The following CTNNA1 variants were observed in gnomAD, a reference collection of about 807,000 sequenced individuals.
CTNNA1 encodes the protein catenin alpha-1.
CTNNA1 carries 37 observed loss-of-function variants against 98.4 expected under a neutral mutation model. That is an observed-to-expected ratio of 0.38 (90% confidence interval 0.29 to 0.49). The LOEUF (loss-of-function observed/expected upper bound fraction) is 0.49, where lower values mean the gene tolerates loss of function less well. CTNNA1 is among the 20% of genes least tolerant of loss of function. The pLI, the probability that CTNNA1 is intolerant of heterozygous loss-of-function variation, is 0.95. For missense variants in CTNNA1, 761 were observed against 1,147.2 expected, an observed-to-expected ratio of 0.66 and a Z score of 4.86; for synonymous variants, 404 against 413.2, an observed-to-expected ratio of 0.98 and a Z score of 0.27.
In CTNNA1 at chr5:138,783,082, A is replaced by AT. The variant is rs533887122; in HGVS notation, c.106-89dup. 3.8e-4 allele frequency: 376 copies of AT among 981,282 alleles called. 1 individual carries two copies. The African/African-American group carries it at 5.6e-3, about 15-fold the overall frequency. 60.8% of individuals were successfully genotyped at this position (981,282 alleles called of 1,614,324 possible). A position where few individuals can be genotyped will look rare whatever the true frequency, so the allele number is the denominator to read the frequency against. On this transcript the variant is annotated intron_variant, in intron 2 of 17. Transcript: ENST00000302763. ...TTAATGTTCAGTGGAATCTCATGTG[A>AT]TTTTTTAAAAGAATAACTTAATCTT... is the stretch of plus-strand genomic sequence containing the variant.
intron 11 of CTNNA1, among the ~76,000 whole-genome samples, chr5:138,920,057 A>C (rs1479910003): frequency 1.4e-5 from 2 of 142,326 alleles, no homozygotes; most frequent in African/African-American, 5.3e-5. Context: ...GCTCACTGCA[A>C]CCTCTGCCTC....
chr5:138,786,565 G>C (rs1456261044), intron 3 of CTNNA1, among the ~76,000 whole-genome samples: 1 of 152,120 alleles, frequency 6.6e-6, no homozygotes, highest in Non-Finnish European at 1.5e-5. Context: ...TGGTAGAAGT[G>C]GTGCTATTTA....
At chr5:138,927,435 C>G (rs976848780) in intron 13 of CTNNA1, among the ~76,000 whole-genome samples, 11 of 152,156 alleles carry the variant, frequency 7.2e-5, no homozygotes, top group African/African-American at 2.7e-4. Flanking sequence ...GTTCCCTGGG[C>G]CAATGCCCCT....
intron 9 of CTNNA1, among the ~76,000 whole-genome samples, chr5:138,903,966 T>C (rs1758633187): frequency 6.6e-6 from 1 of 152,204 alleles, no homozygotes; most frequent in Non-Finnish European, 1.5e-5. Flanking sequence ...AAACACATTT[T>C]TGAGGATAAC....
chr5:138,903,140 T>G (rs1222712526), intron 9 of CTNNA1, among the ~76,000 whole-genome samples: 1 of 152,136 alleles, frequency 6.6e-6, no homozygotes, highest in African/African-American at 2.4e-5. Flanking sequence ...TCCTTTACAT[T>G]TTTATGTTTA....
chr5:138,895,545 C>T lies in CTNNA1; in HGVS notation c.1296+7903C>T, dbSNP rs1756594999. 2.6e-5 allele frequency among the ~76,000 whole-genome samples: 4 copies of T among 151,570 alleles called. No homozygotes were observed. The South Asian group carries it at 8.4e-4, about 32-fold the overall frequency. ...GTGGCTAGAATGAAGCTTTCAAAAACCTGTAGCAAACTTCCTGTATTTGAG... is the reference window on the plus strand; with the variant it reads ...GTGGCTAGAATGAAGCTTTCAAAAATCTGTAGCAAACTTCCTGTATTTGAG... On this transcript the variant is annotated intron_variant, in intron 9 of 17. Transcript: ENST00000302763.
chr5:138,809,719 T>TTTTTC (rs1758475403), intron 3 of CTNNA1, among the ~76,000 whole-genome samples: 1 of 152,032 alleles, frequency 6.6e-6, no homozygotes, highest in African/African-American at 2.4e-5. Flanking sequence ...GAATTTTTCT[T>TTTTTC]TTTTTTGGAT....
At chr5:138,838,530 A>AT (rs201833006) in intron 7 of CTNNA1, among the ~76,000 whole-genome samples, 1,773 of 150,964 alleles carry the variant, frequency 0.012, 28 homozygotes, top group African/African-American at 0.041. Flanking sequence ...GGTTTCATTA[A>AT]TTTTTTTTTC....
At chr5:138,880,946 A>AAC (rs1752767129) in intron 7 of CTNNA1, 5 of 428,138 alleles carry the variant, frequency 1.2e-5, no homozygotes, top group African/African-American at 4.1e-5. Flanking sequence ...GAAAAAAAAA[A>AAC]ACACATTGAA....
At chr5:138,904,739 T>C (rs1165133478) in intron 10 of CTNNA1, 3 of 263,638 alleles carry the variant, frequency 1.1e-5, no homozygotes, top group African/African-American at 6.6e-5. Flanking sequence ...GATGGGTCAG[T>C]TGAGCCCAGG....
chr5:138,875,328 A>G, intron 7 of CTNNA1: 1 of 940,136 alleles, frequency 1.1e-6, no homozygotes, highest in African/African-American at 1.8e-5. Flanking sequence ...GAGAAACGGC[A>G]CAAGAATGGA....
At chr5:138,913,573 G>C (rs921815027) in intron 10 of CTNNA1, among the ~76,000 whole-genome samples, 1 of 140,676 alleles carries the variant, frequency 7.1e-6, no homozygotes, top group Non-Finnish European at 1.5e-5. Flanking sequence ...GATAGAGGGA[G>C]ACCCTGTCTC....
chr5:138,776,039 C>CT (rs57467422), intron 1 of CTNNA1, among the ~76,000 whole-genome samples: 46,746 of 83,918 alleles, frequency 0.56, 12,777 homozygotes, highest in East Asian at 0.77. Context: ...GGAAATGTTT[C>CT]TTTTTTTTTT....
At chr5:138,879,518 G>A (rs555923987) in intron 7 of CTNNA1, among the ~76,000 whole-genome samples, 3 of 151,744 alleles carry the variant, frequency 2.0e-5, no homozygotes, top group African/African-American at 7.3e-5. Context: ...ACCCAGGCTG[G>A]AGTGCAGAGG....
At chr5:138,868,742 C>T (rs1765048495) in intron 7 of CTNNA1, among the ~76,000 whole-genome samples, 1 of 152,108 alleles carries the variant, frequency 6.6e-6, no homozygotes, top group Non-Finnish European at 1.5e-5. Flanking sequence ...CTAGTTTTAC[C>T]TCTCTCTGAA....
chr5:138,786,367 T>G (rs923602198), intron 3 of CTNNA1, among the ~76,000 whole-genome samples: 3 of 152,224 alleles, frequency 2.0e-5, no homozygotes, highest in Non-Finnish European at 4.4e-5. Flanking sequence ...TACAAAAATA[T>G]GAAGCACAGA....
intron 7 of CTNNA1, chr5:138,872,793 C>T: frequency 2.3e-6 from 1 of 437,422 alleles, no homozygotes; most frequent in Non-Finnish European, 4.0e-6. Flanking sequence ...GACTTTCCAA[C>T]AGGAGTGCAA....
chr5:138,877,409 C>T (rs1751850452), intron 7 of CTNNA1, among the ~76,000 whole-genome samples: 1 of 151,606 alleles, frequency 6.6e-6, no homozygotes, highest in African/African-American at 2.4e-5. Flanking sequence ...GTTCTAAGGA[C>T]AGTAGTCTCA....
At chr5:138,769,873 T>C (rs1753347418) in intron 1 of CTNNA1, among the ~76,000 whole-genome samples, 1 of 150,044 alleles carries the variant, frequency 6.7e-6, no homozygotes, top group Non-Finnish European at 1.5e-5. Context: ...TGAGACGGAG[T>C]TTCGGTCTTG....
Sources: allele counts gnomAD v4.1 joint callset (sites outside exome capture counted in the v4.1 genomes callset), GRCh38; gene constraint gnomAD v4.1.1; transcripts MANE v1.5; gene names NCBI Gene and HGNC (gene_info 2026-07-23, HGNC 2026-07-21).